Variants in NOTCH4 observed in about 807,000 individuals in gnomAD.
NOTCH4 encodes notch receptor 4.
NOTCH4 carries 138 observed loss-of-function variants against 189.0 expected under a neutral mutation model. That is an observed-to-expected ratio of 0.73 (90% confidence interval 0.64 to 0.84). The LOEUF is 0.84. Among genes scored for constraint, NOTCH4 ranks in the 40% least tolerant of loss-of-function variants. NOTCH4 has a pLI of 0.00. For missense variants in NOTCH4, 2,286 were observed against 2,605.4 expected, an observed-to-expected ratio of 0.88 and a Z score of 2.67; for synonymous variants, 942 against 1,032.8, an observed-to-expected ratio of 0.91 and a Z score of 1.69.
chr6:32,217,967 G>A lies in NOTCH4; in HGVS notation c.1624+28C>T, dbSNP rs761500012. On this transcript the variant is annotated intron_variant, in intron 9 of 29. Transcript: ENST00000375023. This position sits in a 1 kb window ranked among gnomAD's most constrained non-coding sequence, Gnocchi z 4.2. ...GCAGGTTCAGAGGCCTGGGGTCTGA[G>A]GGTGGCCAGAGAGGCATCTGTACTC... 2.1e-6 allele frequency: 3 copies of A among 1,451,726 alleles called. No homozygotes were observed. The East Asian group carries it at 6.8e-5, about 33-fold the overall frequency. 89.9% of individuals were successfully genotyped at this position (1,451,726 alleles called of 1,614,324 possible).
At chr6:32,218,447 T>C (rs385898) in intron 8 of NOTCH4, among the ~76,000 whole-genome samples, 297 of 152,194 alleles carry the variant, frequency 2.0e-3, no homozygotes, top group African/African-American at 6.5e-3. Flanking sequence ...TAGGAACAAA[T>C]TGGCTTGGAG....
At position 32,216,948 on chromosome 6, in the gene NOTCH4, T is replaced by C; in HGVS notation, c.1858A>G (p.Thr620Ala). The change falls in exon 11 of 30, where the codon ACA (threonine) becomes GCA (alanine). Residue 620 changes from threonine to alanine, a missense_variant. Coordinates refer to ENST00000375023, the MANE Select transcript of NOTCH4 (RefSeq NM_004557.4). The stretch of plus-strand genomic sequence containing the variant: ...TTCCAGTGCCTCCCCTGTGAACCTG[T>C]GAAACCAGAGGGGCAGAGGCAAAAG... ...AFFCLCPSGF[T>A]GQLCEVPLCA... 1 of 1,613,100 alleles carries C rather than the reference T, an allele frequency of 6.2e-7. No individual in the cohort carries two copies. Among genetic ancestry groups the C allele is most frequent in the Non-Finnish European group, 8.5e-7 (1 of 1,180,020 alleles).
chr6:32,195,189 C>T lies in NOTCH4; in HGVS notation c.*248G>A, dbSNP rs1787773387. On this transcript the variant is annotated 3_prime_UTR_variant, in exon 30 of 30. Transcript: ENST00000375023. This position sits in a 1 kb window ranked among gnomAD's most constrained non-coding sequence, Gnocchi z 5.4. ...GGGTATTTCCACTCCACTCTGCCCT[C>T]CTGTGGCCTGTCTTATTTTCTGGAG... is the stretch of plus-strand genomic sequence containing the variant. 1 of 532,108 alleles carries T rather than the reference C, an allele frequency of 1.9e-6. No homozygotes were observed. The highest frequency in any genetic ancestry group is 2.8e-5 in the South Asian group (1 of 35,524). 33.0% of individuals were successfully genotyped at this position (532,108 alleles called of 1,614,324 possible).
rs1788968050 is a variant in NOTCH4 at position 32,210,866 on chromosome 6, G to A, written c.2751C>T (p.His917=). 1 of 1,612,836 alleles carries A rather than the reference G, an allele frequency of 6.2e-7. No homozygotes were observed. The highest frequency in any genetic ancestry group is 2.2e-5 in the East Asian group (1 of 44,868). The part of the protein sequence containing the change: ...CVDSGPSYFC[H]CPPGFQGSLC... ...GGCTGCCTTGGAATCCAGGGGGGCAGTGGCAGAAATAGGAGGGGCCGCTGT... is the reference window on the plus strand; with the variant it reads ...GGCTGCCTTGGAATCCAGGGGGGCAATGGCAGAAATAGGAGGGGCCGCTGT... Residue 917 remains histidine (H), a synonymous_variant, in exon 18 of 30, where the codon CAC becomes CAT. Coordinates refer to ENST00000375023, the MANE Select transcript of NOTCH4 (RefSeq NM_004557.4). This position sits in a 1 kb window ranked among gnomAD's most constrained non-coding sequence, Gnocchi z 4.8.
At chr6:32,208,321 C>G (rs1788822564) in intron 18 of NOTCH4, among the ~76,000 whole-genome samples, 3 of 152,078 alleles carry the variant, frequency 2.0e-5, no homozygotes, top group Admixed American at 2.0e-4. Context: ...ATTATCTGAA[C>G]AGACATTTCT....
chr6:32,197,407 G>A lies in NOTCH4; in HGVS notation c.4944C>T (p.Thr1648=), dbSNP rs1366572864. 1.9e-6 allele frequency: 3 copies of A among 1,542,986 alleles called. No individual in the cohort carries two copies. In the South Asian group the frequency reaches 3.7e-5, roughly 19 times the overall value. ...LHLAARFSRP[T]AARRLLEAGA... is the part of the protein sequence containing the mutation. ...CAGCCTCAAGGAGGCGGCGGGCAGC[G>A]GTTGGCCGGGAGAATCGGGCAGCCA... Residue 1648 remains threonine (T), a synonymous_variant, in exon 27 of 30, where the codon ACC becomes ACT. Transcript: ENST00000375023.
At position 32,215,345 on chromosome 6, in the gene NOTCH4, G is replaced by T; in HGVS notation, c.1902C>A (p.Cys634Ter). 1 of 1,610,754 alleles carries T rather than the reference G, an allele frequency of 6.2e-7. No homozygotes were observed. The highest frequency in any genetic ancestry group is 8.5e-7 in the Non-Finnish European group (1 of 1,179,256). The change falls in exon 12 of 30, where the codon TGC becomes TGA. Residue 634 changes from cysteine to a stop codon, truncating the protein, a stop_gained. Transcript: ENST00000375023. LOFTEE classifies it high-confidence loss of function. The stretch of plus-strand genomic sequence containing the variant: ...GGTCCTTACATATCTGCTTGGGCTG[G>T]CACAGGTTGGGAGCACACAGGGGAA... ...CEVPLCAPNL[C>*]QPKQICKDQK...
Position 32,201,881 on chromosome 6 carries a change from A to G in NOTCH4, c.3755+195T>C. On this transcript the variant is annotated intron_variant, in intron 21 of 29. Coordinates refer to ENST00000375023, the MANE Select transcript of NOTCH4 (RefSeq NM_004557.4). This position sits in a 1 kb window ranked among gnomAD's most constrained non-coding sequence, Gnocchi z 5.5. ...GAGGAGCCCAAAGGCCACGCCCCAC[A>G]TTAAATACTGATGCCACCCCATTAC... The G allele has an allele frequency of 2.1e-6, 1 of 467,176 alleles. No homozygotes were observed. The highest frequency in any genetic ancestry group is 3.5e-6 in the Non-Finnish European group (1 of 283,848). The allele number at this position is 467,176 out of a possible 1,614,324, so 28.9% of individuals were successfully genotyped here.
Position 32,222,387 on chromosome 6 carries a change from G to A in NOTCH4, c.451+124C>T, listed in dbSNP as rs912176838. On this transcript the variant is annotated intron_variant, in intron 3 of 29. Transcript: ENST00000375023. ...GTGGATTGCCAAGAATTGGCATGTT[G>A]ATTCTCATGGCTTCTGTCTTCAAAG... 3.6e-6 allele frequency: 3 copies of A among 829,914 alleles called. No homozygotes were observed. In the African/African-American group the frequency reaches 5.4e-5, roughly 15 times the overall value. The allele number at this position is 829,914 out of a possible 1,614,324, so 51.4% of individuals were successfully genotyped here.
chr6:32,204,526 C>T, intron 18 of NOTCH4, 137 bp from the exon 19 acceptor site: 1 of 935,066 alleles, frequency 1.1e-6, no homozygotes, highest in Non-Finnish European at 1.6e-6. Flanking sequence ...TCCATCATGG[C>T]CATGTGTCAC....
At chr6:32,216,492 T>C in intron 11 of NOTCH4, 1 of 211,776 alleles carries the variant, frequency 4.7e-6, no homozygotes, top group Non-Finnish European at 9.5e-6. Context: ...GGTTGGCTGG[T>C]CCTCTGTGCT....
rs575584732 is a variant in NOTCH4, at chr6:32,210,240, C to T, written c.2865+512G>A. Among the ~76,000 whole-genome samples the T allele has an allele frequency of 3.3e-5, 5 of 152,158 alleles. No homozygotes were observed. Among genetic ancestry groups the T allele is most frequent in the Admixed American group, 2.0e-4 (3 of 15,286 alleles). ...GAGAGGCAAGAATCAGTATGGGGTA[C>T]GTGGCAAAGTCAGCAGCAGTTTCAT... is the stretch of plus-strand genomic sequence containing the variant. On this transcript the variant is annotated intron_variant, in intron 18 of 29. Transcript: ENST00000375023. The surrounding 1 kb of genome is among the most constrained non-coding windows in gnomAD (Gnocchi z 4.8).
In NOTCH4 at chr6:32,204,541, C is replaced by T. The variant is rs149183288; in HGVS notation, c.2866-152G>A. On this transcript the variant is annotated intron_variant, in intron 18 of 29. Coordinates refer to ENST00000375023, the MANE Select transcript of NOTCH4 (RefSeq NM_004557.4). The stretch of plus-strand genomic sequence containing the variant: ...TCCATCATGGCCATGTGTCACAATC[C>T]TTCTATCTCAACTCCCCATGAGACA... 3.1e-5 allele frequency: 26 copies of T among 851,072 alleles called. No individual in the cohort carries two copies. In the African/African-American group the frequency reaches 3.2e-4, roughly 11 times the overall value. The allele number at this position is 851,072 out of a possible 1,614,324, so 52.7% of individuals were successfully genotyped here.
chr6:32,207,252 C>T (rs897563415), intron 18 of NOTCH4, among the ~76,000 whole-genome samples: 4 of 151,272 alleles, frequency 2.6e-5, no homozygotes, highest in African/African-American at 9.7e-5. Flanking sequence ...TCAACAAAGG[C>T]ACCAAGTACA....
Position 32,224,042 on chromosome 6 carries a change from C to T in NOTCH4, c.-114G>A. The T allele has an allele frequency of 9.1e-7, 1 of 1,104,504 alleles. No individual in the cohort carries two copies. The highest frequency in any genetic ancestry group is 2.7e-5 in the East Asian group (1 of 36,814). 68.4% of individuals were successfully genotyped at this position (1,104,504 alleles called of 1,614,324 possible). ...GCTCCCACTGCCCCTCTTCTTCCTC[C>T]TCGGCCTGCTGCAAGCCTCACGTCT... is the stretch of plus-strand genomic sequence containing the variant. On this transcript the variant is annotated 5_prime_UTR_variant, in exon 1 of 30. Transcript: ENST00000375023.
intron 8 of NOTCH4, 117 bp from the exon 9 acceptor site, chr6:32,218,225 CTGT>C: frequency 2.9e-6 from 2 of 686,724 alleles, no homozygotes; most frequent in East Asian, 5.4e-5. Context: ...CCCCGAGGTG[CTGT>C]CTGCATGGGG....
Position 32,195,279 on chromosome 6 carries a change from TG to T in NOTCH4, c.*157del. The T allele has an allele frequency of 1.5e-6, 1 of 684,714 alleles. No homozygotes were observed. Among genetic ancestry groups the T allele is most frequent in the Non-Finnish European group, 2.4e-6 (1 of 422,224 alleles). The allele number at this position is 684,714 out of a possible 1,614,324, so 42.4% of individuals were successfully genotyped here. A position where few individuals can be genotyped will look rare whatever the true frequency, so the allele number is the denominator to read the frequency against. The stretch of plus-strand genomic sequence containing the variant: ...TTTCCAGAGCTGCAGCTTCTCCACG[TG>T]GAAGATGTCTGCTCTGGTGGGCATA... On this transcript the variant is annotated 3_prime_UTR_variant, in exon 30 of 30. Transcript: ENST00000375023. This position sits in a 1 kb window ranked among gnomAD's most constrained non-coding sequence, Gnocchi z 5.4.
At chr6:32,219,122 C>A (rs1175049020) in intron 8 of NOTCH4, among the ~76,000 whole-genome samples, 3 of 152,148 alleles carry the variant, frequency 2.0e-5, no homozygotes, top group African/African-American at 7.2e-5. Context: ...TGCTGTCTTG[C>A]AGCAATTTTT....
rs11967083 is a variant in NOTCH4 at position 32,199,054 on chromosome 6, C to T, written c.4407G>A (p.Gln1469=). ...LLALGALLVL[Q]LIRRRRREHG... ...GCTCTCGGCGTCGACGCCGGATGAG[C>T]TGGAGGACGAGAAGAGCCCCTAGGG... Residue 1469 remains glutamine, a synonymous_variant, in exon 24 of 30, where the codon CAG becomes CAA. Coordinates refer to ENST00000375023, the MANE Select transcript of NOTCH4 (RefSeq NM_004557.4). This position sits in a 1 kb window ranked among gnomAD's most constrained non-coding sequence, Gnocchi z 4.9. 625 of 1,612,878 alleles carry T rather than the reference C, an allele frequency of 3.9e-4. 5 individuals are homozygous for T. The African/African-American group carries it at 7.1e-3, about 18-fold the overall frequency.
Sources: allele counts gnomAD v4.1 joint callset (sites outside exome capture counted in the v4.1 genomes callset), GRCh38; gene constraint gnomAD v4.1.1; non-coding constraint Gnocchi (gnomAD v3.1); transcripts MANE v1.5; gene names NCBI Gene and HGNC (gene_info 2026-07-23, HGNC 2026-07-21).